Variants in CHIA observed in about 807,000 individuals in gnomAD.
The protein encoded by CHIA is chitinase acidic, also known as acidic mammalian chitinase.
A neutral mutation model predicts 53.5 loss-of-function variants in CHIA; 47 were observed. The ratio of observed to expected loss-of-function variants is 0.88; its 90% CI spans 0.70 to 1.12. The LOEUF (loss-of-function observed/expected upper bound fraction) is 1.12. CHIA is among the 50% of genes most tolerant of loss of function. The pLI is 0.00. For synonymous variants in CHIA, 268 were observed against 222.2 expected (o/e 1.21, Z -1.83); for missense variants, 652 against 592.2 (o/e 1.10, Z -1.05).
At chr1:111,318,332 G>A (rs908461563) in intron 8 of CHIA, among the ~76,000 whole-genome samples, 161 bp from the exon 9 acceptor site, 4 of 152,066 alleles carry the variant, frequency 2.6e-5, no homozygotes, top group Non-Finnish European at 4.4e-5. Context: ...CAAGTTGATC[G>A]TATTTCATTA....
intron 8 of CHIA, 98 bp downstream of exon 8, chr1:111,318,207 C>G: frequency 7.8e-7 from 1 of 1,286,742 alleles, no homozygotes; most frequent in Non-Finnish European, 1.1e-6. Context: ...GTGGTTTTCT[C>G]AAATGGGAAA....
intron 6 of CHIA, chr1:111,317,012 A>G (rs751251883): frequency 6.6e-6 from 1 of 152,342 alleles, no homozygotes; most frequent in Admixed American, 6.5e-5. Flanking sequence ...TAATGTCTTA[A>G]GACAGCTGTA....
In CHIA at chr1:111,320,257, C is replaced by G. The variant is rs1649546870; in HGVS notation, c.1222C>G (p.Pro408Ala). 1 of 1,613,894 alleles carries G rather than the reference C, an allele frequency of 6.2e-7. No homozygotes were observed. Among genetic ancestry groups the G allele is most frequent in the African/African-American group, 1.3e-5 (1 of 74,916 alleles). The change falls in exon 12 of 12, where the codon CCC (proline) becomes GCC (alanine). Residue 408 changes from proline to alanine, a missense_variant. Transcript: ENST00000369740. ...GCCCATTGAGCCAATAACTGCTGCT[C>G]CCAGTGGCAGCGGGAACGGGAGCGG... ...AQPIEPITAAPSGSGNGSGSS... is the reference protein window; with the variant it reads ...AQPIEPITAAASGSGNGSGSS...
chr1:111,297,852 T>C (rs1200189217), intron 1 of CHIA, among the ~76,000 whole-genome samples: 6 of 110,988 alleles, frequency 5.4e-5, no homozygotes, highest in South Asian at 3.0e-4. Flanking sequence ...AAGACATACA[T>C]AGGCTCAAAA....
chr1:111,316,697 C>A (rs1016441982), intron 6 of CHIA: 2 of 152,164 alleles, frequency 1.3e-5, no homozygotes, highest in Admixed American at 6.5e-5. Flanking sequence ...AAATATCAAT[C>A]TGGAGTTCAG....
At chr1:111,292,030 A>G (rs1279544432) in intron 1 of CHIA, among the ~76,000 whole-genome samples, 1 of 152,224 alleles carries the variant, frequency 6.6e-6, no homozygotes, top group Non-Finnish European at 1.5e-5. Context: ...AGTAATTGTA[A>G]TAAATTTATA....
chr1:111,295,156 A>G (rs745693508), intron 1 of CHIA, among the ~76,000 whole-genome samples: 1 of 152,136 alleles, frequency 6.6e-6, no homozygotes, highest in Non-Finnish European at 1.5e-5. Flanking sequence ...TCTGGTCTAC[A>G]GCTTTTCTTT....
At chr1:111,312,478 T>C in intron 4 of CHIA, 87 bp downstream of exon 4, 1 of 1,108,068 alleles carries the variant, frequency 9.0e-7, no homozygotes, top group Non-Finnish European at 1.4e-6. Context: ...TTCAGATCCA[T>C]GGATCTGAGA....
chr1:111,311,630 T>G, intron 2 of CHIA, 59 bp from the exon 3 acceptor site: 1 of 1,587,860 alleles, frequency 6.3e-7, no homozygotes, highest in Non-Finnish European at 8.6e-7. Context: ...TCCTTCAGAA[T>G]TAGATTCTAC....
At chr1:111,314,401 G>A (rs1248748805) in intron 4 of CHIA, 139 bp from the exon 5 acceptor site, 4 of 579,766 alleles carry the variant, frequency 6.9e-6, no homozygotes, top group Non-Finnish European at 9.2e-6. Flanking sequence ...TATAAAGGAA[G>A]TTTTCAGTAG....
rs761464220 is a variant in CHIA at position 111,320,206 on chromosome 1, G to A, written c.1178-7G>A. ...CACTAGTCTGCTCTTACTGCTGTAT[G>A]TTTCAGGTTGCACGGCTCCAGCTCA... On this transcript the variant is annotated splice_region_variant and splice_polypyrimidine_tract_variant and intron_variant, in intron 11 of 11. Coordinates refer to ENST00000369740, the MANE Select transcript of CHIA (RefSeq NM_201653.4). The A allele has an allele frequency of 1.2e-4, 201 of 1,612,494 alleles. 4 individuals carry two copies. In the South Asian group the frequency reaches 1.8e-3, roughly 15 times the overall value.
Position 111,319,420 on chromosome 1 carries a change from T to C in CHIA, c.1129T>C (p.Phe377Leu), listed in dbSNP as rs36011905. The change falls in exon 11 of 12, where the codon TTT becomes CTT. Residue 377 changes from phenylalanine (F) to leucine (L), a missense_variant. Coordinates refer to ENST00000369740, the MANE Select transcript of CHIA (RefSeq NM_201653.4). ...TGGCACTTTCTGCAACCAGGGCAAG[T>C]TTCCCCTAATCTCCACCCTGAAGAA... Reference protein sequence around the residue: ...FTGTFCNQGKFPLISTLKKAL... With the variant: ...FTGTFCNQGKLPLISTLKKAL... The C allele has an allele frequency of 0.038, 60,998 of 1,613,618 alleles. 1,521 individuals carry two copies. The highest frequency in any genetic ancestry group is 0.046 in the Non-Finnish European group (54,517 of 1,179,502).
At position 111,312,275 on chromosome 1, in the gene CHIA, C is replaced by A. The variant is rs750741444; in HGVS notation, c.141C>A (p.Asp47Glu). Residue 47 changes from aspartate to glutamate, a missense_variant, in exon 4 of 12, where the codon GAC (aspartate) becomes GAA (glutamate). Asp to Glu is a conservative substitution (Grantham distance 45). Transcript: ENST00000369740. ...GGCGCTTCATGCCTGACAACATCGACCCCTGCCTCTGTACCCACCTGATCT... is the reference window on the plus strand; with the variant it reads ...GGCGCTTCATGCCTGACAACATCGAACCCTGCCTCTGTACCCACCTGATCT... Reference protein sequence around the residue: ...GLGRFMPDNIDPCLCTHLIYA... With the variant: ...GLGRFMPDNIEPCLCTHLIYA... 3 of 1,613,852 alleles carry A rather than the reference C, an allele frequency of 1.9e-6. No individual in the cohort carries two copies. Among genetic ancestry groups the A allele is most frequent in the Admixed American group, 1.7e-5 (1 of 60,002 alleles).
At chr1:111,317,827 C>G (rs139594728) in intron 7 of CHIA, 22 bp downstream of exon 7, 1 of 1,613,812 alleles carries the variant, frequency 6.2e-7, no homozygotes, top group South Asian at 1.1e-5. Flanking sequence ...GCCTTATCTT[C>G]AAACTCCTGG....
intron 1 of CHIA, among the ~76,000 whole-genome samples, chr1:111,303,918 A>G (rs948501130): frequency 2.0e-5 from 3 of 152,170 alleles, no homozygotes; most frequent in Admixed American, 6.6e-5. Flanking sequence ...TTCCTGCAGG[A>G]CAGGTCTATT....
In CHIA at chr1:111,310,493, G is replaced by T; in HGVS notation, c.25+1G>T. On this transcript the variant is annotated splice_donor_variant, in intron 2 of 11. Transcript: ENST00000369740. LOFTEE classifies it high-confidence loss of function. ...ATGACAAAGCTTATTCTCCTCACAG[G>T]TGGGTTTGTAATCAGAGATTGACCC... 1 of 1,614,134 alleles carries T rather than the reference G, an allele frequency of 6.2e-7. No individual in the cohort carries two copies. The highest frequency in any genetic ancestry group is 8.5e-7 in the Non-Finnish European group (1 of 1,180,018).
At chr1:111,318,222 G>T in intron 8 of CHIA, 113 bp downstream of exon 8, 1 of 1,177,846 alleles carries the variant, frequency 8.5e-7, no homozygotes. Context: ...GGGAAATTAG[G>T]CTGCCATAAT....
At chr1:111,314,492 G>A (rs1029338582) in intron 4 of CHIA, 48 bp from the exon 5 acceptor site, 4 of 1,256,580 alleles carry the variant, frequency 3.2e-6, no homozygotes, top group Non-Finnish European at 2.3e-6. Flanking sequence ...TTAAATGGAG[G>A]GAGTCCTGAC....
intron 1 of CHIA, among the ~76,000 whole-genome samples, chr1:111,301,869 G>A (rs977539094): frequency 3.3e-5 from 5 of 152,044 alleles, no homozygotes; most frequent in African/African-American, 9.6e-5. Context: ...ACACTTGGAC[G>A]TAGGGCAGGG....
Sources: gnomAD v4.1 joint callset for allele counts (sites outside exome capture counted in the v4.1 genomes callset) on GRCh38, gnomAD v4.1.1 for gene constraint, MANE v1.5 for transcripts, NCBI Gene and HGNC (gene_info 2026-07-23, HGNC 2026-07-21) for gene names.